SYT1: variants seen among roughly 807,000 people sequenced by gnomAD.
SYT1 encodes synaptotagmin 1.
A neutral mutation model predicts 44.8 loss-of-function variants in SYT1; 8 were observed. That is an observed-to-expected ratio of 0.18 (90% CI 0.10 to 0.32). The LOEUF (loss-of-function observed/expected upper bound fraction) is 0.32. Ranked by LOEUF, SYT1 falls within the 10% of genes least tolerant of loss-of-function variation. The probability of loss-of-function intolerance (pLI) is 1.00; values close to 1 mark genes in which losing one functional copy is unlikely to be tolerated. For synonymous variants in SYT1, 154 were observed against 188.8 expected, an observed-to-expected ratio of 0.82 and a Z score of 1.51; for missense variants, 286 against 509.3, an observed-to-expected ratio of 0.56 and a Z score of 4.22.
intron 4 of SYT1, among the ~76,000 whole-genome samples, chr12:79,261,559 G>A (rs1342248782): frequency 6.6e-6 from 1 of 152,134 alleles, no homozygotes; most frequent in African/African-American, 2.4e-5. Flanking sequence ...GCAAGTCTCA[G>A]ATAATTTTAT....
At chr12:78,999,945 G>A (rs1260225214) in intron 2 of SYT1, among the ~76,000 whole-genome samples, 1 of 152,172 alleles carries the variant, frequency 6.6e-6, no homozygotes, top group Non-Finnish European at 1.5e-5. Context: ...ACTAAGAAAT[G>A]CTAACTATTG....
chr12:78,864,829 G>A lies in SYT1; in HGVS notation c.-497G>A. ...GCAGCGGCAGCAGCAGTTAGCAGCGGCAACTTGAGGCTGCACCCCGGGCAA... is the reference window on the plus strand; with the variant it reads ...GCAGCGGCAGCAGCAGTTAGCAGCGACAACTTGAGGCTGCACCCCGGGCAA... On this transcript the variant is annotated 5_prime_UTR_variant, in exon 1 of 11. Coordinates refer to ENST00000261205, the MANE Select transcript of SYT1 (RefSeq NM_005639.3). 6.3e-6 allele frequency: 1 copy of A among 159,952 alleles called. No individual in the cohort carries two copies. The allele number at this position is 159,952 out of a possible 1,614,324, so 9.9% of individuals were successfully genotyped here.
intron 3 of SYT1, among the ~76,000 whole-genome samples, chr12:79,061,977 A>AT (rs1364763392): frequency 6.6e-6 from 1 of 152,280 alleles, no homozygotes; most frequent in Non-Finnish European, 1.5e-5. Flanking sequence ...GAAAAAGATA[A>AT]TTTTTTTAAA....
At chr12:79,397,619 A>G (rs967547661) in intron 9 of SYT1, among the ~76,000 whole-genome samples, 6 of 152,316 alleles carry the variant, frequency 3.9e-5, no homozygotes, top group East Asian at 1.9e-4. Flanking sequence ...AAGGAGGTCA[A>G]CTTTGGAGGC....
intron 9 of SYT1, among the ~76,000 whole-genome samples, chr12:79,411,780 C>T (rs980166246): frequency 1.3e-5 from 2 of 151,930 alleles, no homozygotes; most frequent in African/African-American, 4.8e-5. Context: ...TTTTCATATA[C>T]ACATGTGTAT....
intron 1 of SYT1, among the ~76,000 whole-genome samples, chr12:78,895,531 T>C (rs1355195851): frequency 6.6e-6 from 1 of 151,792 alleles, no homozygotes; most frequent in East Asian, 1.9e-4. Context: ...GTGATAAAGA[T>C]TTAATTTTAA....
At chr12:79,354,722 G>A (rs1883043925) in intron 9 of SYT1, among the ~76,000 whole-genome samples, 1 of 152,142 alleles carries the variant, frequency 6.6e-6, no homozygotes, top group South Asian at 2.1e-4. Flanking sequence ...TTGAAGCAAA[G>A]AGCACAGTGT....
intron 3 of SYT1, among the ~76,000 whole-genome samples, chr12:79,139,187 C>T (rs534295230): frequency 4.6e-5 from 7 of 152,180 alleles, no homozygotes; most frequent in African/African-American, 1.7e-4. Context: ...TCCTTATTCT[C>T]GGTTTGAGGT....
chr12:79,146,052 C>T (rs1181164703), intron 3 of SYT1, among the ~76,000 whole-genome samples: 3 of 152,096 alleles, frequency 2.0e-5, no homozygotes, highest in African/African-American at 2.4e-5. Context: ...CCACCGCGCC[C>T]GGCCTAAACA....
At chr12:78,938,073 A>G (rs1878160235) in intron 1 of SYT1, among the ~76,000 whole-genome samples, 1 of 151,922 alleles carries the variant, frequency 6.6e-6, no homozygotes, top group African/African-American at 2.4e-5. Context: ...TATATTTAAA[A>G]TAATTACAAC....
chr12:79,248,594 G>A (rs1022181973), intron 4 of SYT1, among the ~76,000 whole-genome samples: 3 of 152,138 alleles, frequency 2.0e-5, no homozygotes, highest in African/African-American at 7.2e-5. Flanking sequence ...TTTGGCAGTG[G>A]ATAGGATGTA....
Position 79,291,908 on chromosome 12 carries a change from G to A in SYT1, c.352-100G>A, listed in dbSNP as rs1481680732. 2.1e-6 allele frequency: 3 copies of A among 1,400,832 alleles called. No individual in the cohort carries two copies. The African/African-American group carries it at 4.2e-5, about 20-fold the overall frequency. The allele number at this position is 1,400,832 out of a possible 1,614,324, so 86.8% of individuals were successfully genotyped here. ...ACAAACAGATTTCCAGCATCTTAGT[G>A]CTTGCTTCGAACAGCTTGGAAGTGT... On this transcript the variant is annotated intron_variant, in intron 5 of 10. Coordinates refer to ENST00000261205, the MANE Select transcript of SYT1 (RefSeq NM_005639.3).
At position 79,220,394 on chromosome 12, in the gene SYT1, G is replaced by C. The variant is rs372819779; in HGVS notation, c.166+2709G>C. Among the ~76,000 whole-genome samples, 7 of 151,812 alleles carry C rather than the reference G, an allele frequency of 4.6e-5. 1 individual carries two copies. Among genetic ancestry groups the C allele is most frequent in the Admixed American group, 3.3e-4 (5 of 15,250 alleles). On this transcript the variant is annotated intron_variant, in intron 4 of 10. Coordinates refer to ENST00000261205, the MANE Select transcript of SYT1 (RefSeq NM_005639.3). ...TTTGTTGATCTTTTCTGTTGTTTCTGTAGTCTCTATTTCATTTCTTTCTGC... is the reference window on the plus strand; with the variant it reads ...TTTGTTGATCTTTTCTGTTGTTTCTCTAGTCTCTATTTCATTTCTTTCTGC...
intron 9 of SYT1, among the ~76,000 whole-genome samples, chr12:79,380,060 C>T (rs979614130): frequency 3.3e-5 from 5 of 152,062 alleles, no homozygotes; most frequent in African/African-American, 1.2e-4. Context: ...TTTTTAGAAA[C>T]CTTCTTTTAG....
Position 79,451,144 on chromosome 12 carries a change from T to A in SYT1, c.*2020T>A, listed in dbSNP as rs772505715. ...GTAAAACTGGAATTCCTGTCGTTAC[T>A]GTTTCCTTATCAAAGAAGGGGCAAG... On this transcript the variant is annotated 3_prime_UTR_variant, in exon 11 of 11. Coordinates refer to ENST00000261205, the MANE Select transcript of SYT1 (RefSeq NM_005639.3). 6.6e-6 allele frequency: 1 copy of A among 152,244 alleles called. No individual in the cohort carries two copies. Among genetic ancestry groups the A allele is most frequent in the Non-Finnish European group, 1.5e-5 (1 of 68,046 alleles). 9.4% of individuals were successfully genotyped at this position (152,244 alleles called of 1,614,324 possible).
chr12:79,295,104 T>TA (rs1265178410), intron 6 of SYT1, among the ~76,000 whole-genome samples: 5 of 152,136 alleles, frequency 3.3e-5, no homozygotes, highest in Non-Finnish European at 7.4e-5. Flanking sequence ...GGCTGAGATG[T>TA]AAAAACCTAT....
At chr12:79,231,667 A>G (rs971935524) in intron 4 of SYT1, among the ~76,000 whole-genome samples, 1 of 152,194 alleles carries the variant, frequency 6.6e-6, no homozygotes, top group African/African-American at 2.4e-5. Context: ...TGAAGGTAAA[A>G]TGTTATTTTA....
intron 3 of SYT1, among the ~76,000 whole-genome samples, chr12:79,160,551 A>T (rs1349461943): frequency 6.6e-6 from 1 of 152,168 alleles, no homozygotes; most frequent in Non-Finnish European, 1.5e-5. Flanking sequence ...GATGATCTTT[A>T]GGTATTGAGA....
rs1399695873 is a variant in SYT1, at chr12:78,876,833, TTATATATAATA to T, written c.-217+11730_-217+11740del. 8.0e-5 allele frequency among the ~76,000 whole-genome samples: 4 copies of T among 50,236 alleles called. 1 individual carries two copies. The highest frequency in any genetic ancestry group is 1.3e-4 in the Non-Finnish European group (4 of 30,120). The allele number at this position is 50,236 out of a possible 152,430, so 33.0% of individuals were successfully genotyped here. A position where few individuals can be genotyped will look rare whatever the true frequency, so the allele number is the denominator to read the frequency against. On this transcript the variant is annotated intron_variant, in intron 1 of 10. Transcript: ENST00000261205. ...TAATACATATCATATATTATATGTA[TTATATATAATA>T]TATATTATATATAATATATATAATA...
Sources: gnomAD v4.1 joint callset for allele counts (sites outside exome capture counted in the v4.1 genomes callset) on GRCh38, gnomAD v4.1.1 for gene constraint, MANE v1.5 for transcripts, NCBI Gene and HGNC (gene_info 2026-07-23, HGNC 2026-07-21) for gene names.